Variants in STT3B observed in about 807,000 individuals in gnomAD.
The protein encoded by STT3B is STT3 oligosaccharyltransferase complex catalytic subunit B.
Under a neutral mutation model 96.8 loss-of-function variants are expected in STT3B, and 29 were observed. The ratio of observed to expected loss-of-function variants is 0.30; its 90% CI spans 0.22 to 0.41. STT3B has a LOEUF of 0.41. STT3B is among the 10% of genes least tolerant of loss of function. The probability of loss-of-function intolerance (pLI) is 1.00; values close to 1 mark genes in which losing one functional copy is unlikely to be tolerated. For missense variants in STT3B, 640 were observed against 1,022.3 expected (o/e 0.63, Z 5.10); for synonymous variants, 367 against 360.0 (o/e 1.02, Z -0.22).
intron 1 of STT3B, among the ~76,000 whole-genome samples, chr3:31,548,593 T>G (rs905496490): frequency 6.6e-6 from 1 of 152,196 alleles, no homozygotes; most frequent in Admixed American, 6.5e-5. Context: ...AAAGCTTCCC[T>G]ATAGTTCAGT....
chr3:31,609,897 T>C (rs570078278), intron 5 of STT3B, among the ~76,000 whole-genome samples: 1 of 152,320 alleles, frequency 6.6e-6, no homozygotes, highest in Non-Finnish European at 1.5e-5. Flanking sequence ...TGATTAAGTA[T>C]CTCTACTGAA....
intron 1 of STT3B, among the ~76,000 whole-genome samples, chr3:31,562,877 G>A (rs897835635): frequency 6.6e-6 from 1 of 152,156 alleles, no homozygotes; most frequent in Admixed American, 6.5e-5. Flanking sequence ...TGATTCGTGG[G>A]ATCCAGCATG....
Position 31,636,088 on chromosome 3 carries a change from T to G in STT3B, c.*24T>G. 6.4e-7 allele frequency: 1 copy of G among 1,555,788 alleles called. No homozygotes were observed. On this transcript the variant is annotated 3_prime_UTR_variant, in exon 16 of 16. Coordinates refer to ENST00000295770, the MANE Select transcript of STT3B (RefSeq NM_178862.3). ...AAATGCACTGTTCTGGTTCCTAACT[T>G]GAAGCAGTTGTCCTTGTGAGAACCG...
At chr3:31,550,770 G>A (rs891245594) in intron 1 of STT3B, among the ~76,000 whole-genome samples, 1 of 151,992 alleles carries the variant, frequency 6.6e-6, no homozygotes, top group African/African-American at 2.4e-5. Context: ...TTGAATTTAG[G>A]CTGTTTTTTT....
intron 8 of STT3B, among the ~76,000 whole-genome samples, chr3:31,618,293 C>T (rs1699353917): frequency 2.8e-5 from 2 of 71,054 alleles, no homozygotes; most frequent in South Asian, 8.7e-4. Context: ...TCTTTTATAA[C>T]ATTTTCATCT....
chr3:31,600,047 G>A (rs1698895498), intron 4 of STT3B, among the ~76,000 whole-genome samples: 1 of 151,872 alleles, frequency 6.6e-6, no homozygotes, highest in Non-Finnish European at 1.5e-5. Flanking sequence ...AAAACTCCTT[G>A]TCTCTATGAC....
intron 5 of STT3B, among the ~76,000 whole-genome samples, chr3:31,614,210 ATAGAG>A (rs1017136778): frequency 2.6e-5 from 4 of 151,998 alleles, no homozygotes; most frequent in Non-Finnish European, 4.4e-5. Context: ...TTTGTTTTTG[ATAGAG>A]TAGTTTATTT....
At chr3:31,544,475 A>G (rs545855861) in intron 1 of STT3B, among the ~76,000 whole-genome samples, 2 of 152,248 alleles carry the variant, frequency 1.3e-5, no homozygotes, top group Non-Finnish European at 2.9e-5. Context: ...CAAAATGGTC[A>G]GCTCTTTAGT....
At chr3:31,548,451 T>C (rs910578030) in intron 1 of STT3B, among the ~76,000 whole-genome samples, 15 of 152,128 alleles carry the variant, frequency 9.9e-5, no homozygotes, top group African/African-American at 3.6e-4. Flanking sequence ...ATTTAATAAA[T>C]GTATTTTTAA....
chr3:31,600,438 T>C lies in STT3B; in HGVS notation c.856T>C (p.Tyr286His). 6.3e-7 allele frequency: 1 copy of C among 1,577,110 alleles called. No individual in the cohort carries two copies. The highest frequency in any genetic ancestry group is 1.3e-5 in the African/African-American group (1 of 74,414). ...HVFVLLLMQR[Y>H]SKRVYIAYST... ...ATTTGTGTTGTTACTGATGCAGAGATACAGCAAAAGAGTCTACATAGGTAA... is the reference window on the plus strand; with the variant it reads ...ATTTGTGTTGTTACTGATGCAGAGACACAGCAAAAGAGTCTACATAGGTAA... The change falls in exon 5 of 16, where the codon TAC becomes CAC. Residue 286 changes from tyrosine (Y) to histidine (H), a missense_variant. This residue lies in a region of STT3B where 267 missense variants were observed against 388.3 expected (regional missense o/e 0.69). Coordinates refer to ENST00000295770, the MANE Select transcript of STT3B (RefSeq NM_178862.3).
intron 1 of STT3B, among the ~76,000 whole-genome samples, chr3:31,572,159 A>AAT (rs916652952): frequency 1.3e-3 from 177 of 139,930 alleles, no homozygotes; most frequent in Middle Eastern, 7.3e-3. Flanking sequence ...TATATAATAT[A>AAT]ATATATAGCT....
chr3:31,580,147 T>G, intron 3 of STT3B, 51 bp downstream of exon 3: 1 of 1,561,964 alleles, frequency 6.4e-7, no homozygotes, highest in Non-Finnish European at 8.7e-7. Context: ...ACCTTTCTCC[T>G]GAAACACTTT....
rs999337392 is a variant in STT3B, at chr3:31,533,590, G to A, written c.314+278G>A. The A allele has an allele frequency of 7.1e-5, 18 of 252,880 alleles. 1 individual carries two copies. The highest frequency in any genetic ancestry group is 3.2e-4 in the African/African-American group (14 of 44,236). The allele number at this position is 252,880 out of a possible 1,614,324, so 15.7% of individuals were successfully genotyped here. ...GACTGCCAGGAGTGTGGATGCAGCC[G>A]CCGGGAGTGTGGGTGCAGCCGCCGG... On this transcript the variant is annotated intron_variant, in intron 1 of 15. Transcript: ENST00000295770.
chr3:31,539,703 T>A (rs1697214243), intron 1 of STT3B, among the ~76,000 whole-genome samples: 1 of 152,160 alleles, frequency 6.6e-6, no homozygotes, highest in African/African-American at 2.4e-5. Context: ...AGAGATGAGT[T>A]GATGGTTAAG....
intron 1 of STT3B, among the ~76,000 whole-genome samples, chr3:31,550,090 T>C (rs532667024): frequency 1.3e-5 from 2 of 152,320 alleles, no homozygotes; most frequent in South Asian, 2.1e-4. Flanking sequence ...GTAAATGTCC[T>C]TTATAAATCA....
intron 3 of STT3B, among the ~76,000 whole-genome samples, chr3:31,582,331 T>C (rs1209302291): frequency 1.3e-5 from 2 of 148,876 alleles, no homozygotes; most frequent in Non-Finnish European, 3.0e-5. Flanking sequence ...GGAGTCTTGC[T>C]CTGTTGCCCA....
At chr3:31,572,182 G>T (rs1698173542) in intron 1 of STT3B, among the ~76,000 whole-genome samples, 1 of 141,322 alleles carries the variant, frequency 7.1e-6, no homozygotes, top group Non-Finnish European at 1.5e-5. Context: ...TTATATATGA[G>T]ATATATAATA....
chr3:31,553,741 A>C (rs1697627479), intron 1 of STT3B, among the ~76,000 whole-genome samples: 1 of 152,222 alleles, frequency 6.6e-6, no homozygotes, highest in African/African-American at 2.4e-5. Context: ...AAAATGAAAA[A>C]AAATGAGCGA....
At chr3:31,548,579 T>C (rs941948343) in intron 1 of STT3B, among the ~76,000 whole-genome samples, 19 of 152,206 alleles carry the variant, frequency 1.2e-4, no homozygotes, top group African/African-American at 4.6e-4. Flanking sequence ...ATGTTAAGGA[T>C]GGTAAAGCTT....
Sources: gnomAD v4.1 joint callset for allele counts (sites outside exome capture counted in the v4.1 genomes callset) on GRCh38, gnomAD v4.1.1 for gene constraint, gnomAD v4.1.1 regional missense constraint, MANE v1.5 for transcripts, NCBI Gene and HGNC (gene_info 2026-07-23, HGNC 2026-07-21) for gene names.